SFMBT2: variants seen among roughly 807,000 people sequenced by gnomAD.
SFMBT2 encodes the protein Scm like with four mbt domains 2, also known as scm-like with four MBT domains protein 2.
In SFMBT2, 38 loss-of-function variants were observed where a neutral mutation model predicts 110.1. That is an observed-to-expected ratio of 0.35 (90% CI 0.27 to 0.45). SFMBT2 has a LOEUF of 0.45. Among genes scored for constraint, SFMBT2 ranks in the 20% least tolerant of loss-of-function variants. SFMBT2 has a pLI of 1.00. For missense variants in SFMBT2, 1,011 were observed against 1,094.9 expected (o/e 0.92, Z 1.08); for synonymous variants, 425 against 425.4 (o/e 1.00, Z 0.01).
chr10:7,366,264 C>T (rs1844895171), intron 4 of SFMBT2, among the ~76,000 whole-genome samples: 1 of 152,096 alleles, frequency 6.6e-6, no homozygotes, highest in African/African-American at 2.4e-5. Flanking sequence ...AAAATGTCAG[C>T]TAACGCCATG....
intron 13 of SFMBT2, among the ~76,000 whole-genome samples, chr10:7,200,718 G>A (rs1484711574): frequency 6.6e-6 from 1 of 152,136 alleles, no homozygotes; most frequent in East Asian, 1.9e-4. Context: ...ACCTGCCCCT[G>A]AGCAGCTGGT....
At chr10:7,219,809 T>C in intron 11 of SFMBT2, 1 of 240,764 alleles carries the variant, frequency 4.2e-6, no homozygotes, top group Non-Finnish European at 6.7e-6. Context: ...CTAGAAAATA[T>C]GGTTTTCTAC....
At chr10:7,409,416 C>T (rs902423765) in intron 1 of SFMBT2, 1 of 151,836 alleles carries the variant, frequency 6.6e-6, no homozygotes, top group Admixed American at 6.6e-5. Context: ...CACGTGTCCG[C>T]AGTTTGTCAC....
chr10:7,382,427 A>G (rs139644586), intron 1 of SFMBT2, among the ~76,000 whole-genome samples: 8 of 152,310 alleles, frequency 5.3e-5, no homozygotes, highest in African/African-American at 9.6e-5. Context: ...AAATTAATTA[A>G]TTAGTTAAAA....
intron 7 of SFMBT2, chr10:7,264,344 A>G (rs2256529): frequency 0.016 from 2,543 of 158,018 alleles, 70 homozygotes; most frequent in African/African-American, 0.058. Flanking sequence ...CTTATCAGTG[A>G]TGTGTGTATA....
At chr10:7,377,713 C>T (rs962452968) in intron 2 of SFMBT2, among the ~76,000 whole-genome samples, 13 of 152,068 alleles carry the variant, frequency 8.5e-5, no homozygotes, top group African/African-American at 1.7e-4. Context: ...AGGTGAAGCT[C>T]GGGCAGTAAT....
chr10:7,400,935 C>T (rs1414506883), intron 1 of SFMBT2, among the ~76,000 whole-genome samples: 2 of 152,168 alleles, frequency 1.3e-5, no homozygotes, highest in Non-Finnish European at 2.9e-5. Flanking sequence ...GAGTTCAAGA[C>T]CAGCCTGGTC....
At chr10:7,328,745 T>C (rs144931188) in intron 4 of SFMBT2, among the ~76,000 whole-genome samples, 230 of 152,372 alleles carry the variant, frequency 1.5e-3, no homozygotes, top group Non-Finnish European at 2.6e-3. Flanking sequence ...GGAACTCACT[T>C]TCTGAGGTCA....
At chr10:7,195,780 G>C (rs890915870) in intron 15 of SFMBT2, among the ~76,000 whole-genome samples, 1 of 152,148 alleles carries the variant, frequency 6.6e-6, no homozygotes, top group Non-Finnish European at 1.5e-5. Flanking sequence ...TGCATGCCAG[G>C]TCCTGTCCTG....
intron 9 of SFMBT2, among the ~76,000 whole-genome samples, chr10:7,233,863 G>A (rs1030787417): frequency 6.6e-6 from 1 of 152,314 alleles, no homozygotes; most frequent in African/African-American, 2.4e-5. Context: ...TGGCAGGGAG[G>A]CAAGATTGCA....
At chr10:7,290,192 C>T (rs1842221565) in intron 4 of SFMBT2, among the ~76,000 whole-genome samples, 1 of 151,254 alleles carries the variant, frequency 6.6e-6, no homozygotes, top group South Asian at 2.1e-4. Context: ...GGAAGGTTTA[C>T]ACACAACTTG....
intron 14 of SFMBT2, 92 bp from the exon 15 acceptor site, chr10:7,197,779 A>G: frequency 6.7e-7 from 1 of 1,501,546 alleles, no homozygotes; most frequent in Non-Finnish European, 8.9e-7. Flanking sequence ...ATGGTCAGGG[A>G]AAAGGACCAC....
intron 1 of SFMBT2, among the ~76,000 whole-genome samples, chr10:7,387,825 G>GTAAT (rs1845655553): frequency 6.6e-6 from 1 of 151,184 alleles, no homozygotes; most frequent in African/African-American, 2.4e-5. Flanking sequence ...GTGTGCACCT[G>GTAAT]TAATCCCAGC....
chr10:7,377,972 G>A (rs1845291554), intron 2 of SFMBT2, among the ~76,000 whole-genome samples: 1 of 126,086 alleles, frequency 7.9e-6, no homozygotes, highest in Non-Finnish European at 1.7e-5. Flanking sequence ...GGGGGGGGTT[G>A]TGTGTGTGGG....
chr10:7,220,137 CT>C (rs1588352081), intron 11 of SFMBT2, among the ~76,000 whole-genome samples: 1 of 152,106 alleles, frequency 6.6e-6, no homozygotes, highest in African/African-American at 2.4e-5. Flanking sequence ...GTGACATTTG[CT>C]TTTCTAATCA....
chr10:7,213,724 TG>T (rs1195355804), intron 11 of SFMBT2, among the ~76,000 whole-genome samples: 1 of 139,280 alleles, frequency 7.2e-6, no homozygotes, highest in Non-Finnish European at 1.5e-5. Flanking sequence ...TGCGAGGCCA[TG>T]GGCGCGGGCA....
At chr10:7,252,460 T>G (rs539667040) in intron 7 of SFMBT2, among the ~76,000 whole-genome samples, 1 of 152,330 alleles carries the variant, frequency 6.6e-6, no homozygotes, top group African/African-American at 2.4e-5. Flanking sequence ...TCACTTCCAC[T>G]TCCTGCAGAC....
chr10:7,299,536 C>T (rs1842497922), intron 4 of SFMBT2, among the ~76,000 whole-genome samples: 1 of 152,040 alleles, frequency 6.6e-6, no homozygotes, highest in African/African-American at 2.4e-5. Flanking sequence ...TAATGAGATA[C>T]CATCTCATGC....
intron 4 of SFMBT2, among the ~76,000 whole-genome samples, chr10:7,324,830 G>T (rs531555734): frequency 2.6e-5 from 4 of 152,274 alleles, no homozygotes; most frequent in African/African-American, 9.6e-5. Context: ...GTGTGCTCAG[G>T]CAGAGAAGGG....
Sources: allele counts gnomAD v4.1 joint callset (sites outside exome capture counted in the v4.1 genomes callset), GRCh38; gene constraint gnomAD v4.1.1; transcripts MANE v1.5; gene names NCBI Gene and HGNC (gene_info 2026-07-23, HGNC 2026-07-21).